The following GRID2 variants were observed in gnomAD, a reference collection of about 807,000 sequenced individuals.
GRID2 encodes glutamate ionotropic receptor delta type subunit 2, also known as glutamate receptor ionotropic, delta-2.
Under a neutral mutation model 114.8 loss-of-function variants are expected in GRID2, and 33 were observed. The observed-to-expected ratio is 0.29, with a 90% CI of 0.22 to 0.38. GRID2 has a LOEUF of 0.38. GRID2 is among the 10% of genes least tolerant of loss of function. The pLI, the probability that GRID2 is intolerant of heterozygous loss-of-function variation, is 1.00. For missense variants in GRID2, 1,184 were observed against 1,257.7 expected, an observed-to-expected ratio of 0.94 and a Z score of 0.89; for synonymous variants, 505 against 449.9, an observed-to-expected ratio of 1.12 and a Z score of -1.55.
At chr4:93,058,506 G>A (rs895126429) in intron 2 of GRID2, among the ~76,000 whole-genome samples, 1 of 151,864 alleles carries the variant, frequency 6.6e-6, no homozygotes, top group Admixed American at 6.6e-5. Flanking sequence ...CAATGAGTTT[G>A]CCAAAGAAAT....
intron 14 of GRID2, among the ~76,000 whole-genome samples, chr4:93,648,542 CAG>C (rs1419182301): frequency 6.6e-6 from 1 of 152,190 alleles, no homozygotes; most frequent in African/African-American, 2.4e-5. Flanking sequence ...AGAGAATAAA[CAG>C]CTGCTATAGA....
At chr4:92,879,436 T>C (rs1393355892) in intron 2 of GRID2, among the ~76,000 whole-genome samples, 1 of 152,220 alleles carries the variant, frequency 6.6e-6, no homozygotes, top group Non-Finnish European at 1.5e-5. Context: ...TTAGCCCTAA[T>C]AAGTGCTAAG....
intron 8 of GRID2, among the ~76,000 whole-genome samples, chr4:93,384,457 C>A (rs1421352304): frequency 2.0e-5 from 3 of 152,084 alleles, no homozygotes; most frequent in Non-Finnish European, 4.4e-5. Context: ...ACACTCAGCA[C>A]TTATTATTTA....
intron 14 of GRID2, among the ~76,000 whole-genome samples, chr4:93,665,913 G>A (rs189489796): frequency 6.6e-6 from 1 of 151,988 alleles, no homozygotes; most frequent in African/African-American, 2.4e-5. Context: ...TCAAGATTTG[G>A]TTCTAATATT....
chr4:93,299,293 A>G (rs1253302826), intron 8 of GRID2, among the ~76,000 whole-genome samples: 2 of 152,160 alleles, frequency 1.3e-5, no homozygotes, highest in Non-Finnish European at 2.9e-5. Context: ...TAAATGCAGT[A>G]GAAAGGCAAG....
At chr4:93,476,824 T>C (rs1725364917) in intron 11 of GRID2, among the ~76,000 whole-genome samples, 1 of 152,124 alleles carries the variant, frequency 6.6e-6, no homozygotes, top group Non-Finnish European at 1.5e-5. Context: ...TCTGAAGATA[T>C]AGTCTTATTT....
chr4:93,742,102 G>A (rs1045306194), intron 14 of GRID2, among the ~76,000 whole-genome samples: 4 of 152,032 alleles, frequency 2.6e-5, no homozygotes, highest in African/African-American at 7.2e-5. Flanking sequence ...TTACAGTTAT[G>A]ATTCACAATC....
intron 9 of GRID2, among the ~76,000 whole-genome samples, chr4:93,418,851 A>G (rs1370710809): frequency 6.6e-6 from 1 of 152,008 alleles, no homozygotes; most frequent in Non-Finnish European, 1.5e-5. Context: ...CCATCAGGGT[A>G]CCACCATAAA....
chr4:92,832,100 G>T (rs1180995526), intron 2 of GRID2, among the ~76,000 whole-genome samples: 1 of 151,612 alleles, frequency 6.6e-6, no homozygotes, highest in South Asian at 2.1e-4. Context: ...GGTATTAAGA[G>T]AATACAAATA....
chr4:92,800,376 T>C (rs1194496210), intron 2 of GRID2, among the ~76,000 whole-genome samples: 1 of 151,608 alleles, frequency 6.6e-6, no homozygotes, highest in African/African-American at 2.4e-5. Flanking sequence ...AGAGGTAGCC[T>C]TGGGATAAGA....
At chr4:92,578,781 T>A (rs553350568) in intron 1 of GRID2, among the ~76,000 whole-genome samples, 1 of 152,266 alleles carries the variant, frequency 6.6e-6, no homozygotes, top group Admixed American at 6.5e-5. Context: ...TTTGAATTCT[T>A]GTAATTACCA....
At chr4:93,528,508 A>G (rs945512261) in intron 13 of GRID2, among the ~76,000 whole-genome samples, 1 of 151,882 alleles carries the variant, frequency 6.6e-6, no homozygotes, top group African/African-American at 2.4e-5. Context: ...ATGTAAATCT[A>G]AATTCTATTT....
chr4:92,813,968 C>A (rs984483688), intron 2 of GRID2, among the ~76,000 whole-genome samples: 2 of 152,118 alleles, frequency 1.3e-5, no homozygotes, highest in South Asian at 2.1e-4. Context: ...GATTCCCTAA[C>A]AATGTAAGCA....
intron 9 of GRID2, among the ~76,000 whole-genome samples, chr4:93,407,722 TTCTCCTCCTCCTC>T: frequency 1.1e-5 from 1 of 90,288 alleles, no homozygotes; most frequent in Non-Finnish European, 2.0e-5. Context: ...CTCCTCCTCC[TTCTCCTCCTCCTC>T]CTCCTCCTCC....
At chr4:92,339,773 A>C (rs1476991838) in intron 1 of GRID2, among the ~76,000 whole-genome samples, 1 of 152,178 alleles carries the variant, frequency 6.6e-6, no homozygotes, top group African/African-American at 2.4e-5. Context: ...AGATAATTTT[A>C]ATAACGAAAT....
intron 2 of GRID2, among the ~76,000 whole-genome samples, chr4:93,039,467 TTA>T (rs1211434824): frequency 2.0e-5 from 3 of 151,936 alleles, no homozygotes; most frequent in African/African-American, 7.3e-5. Flanking sequence ...TAAAGTATAA[TTA>T]TATATATAGT....
chr4:93,104,812 G>C (rs1260804121), intron 3 of GRID2, among the ~76,000 whole-genome samples: 2 of 152,030 alleles, frequency 1.3e-5, no homozygotes, highest in Non-Finnish European at 2.9e-5. Flanking sequence ...CAGTCCTTTG[G>C]GTATATACCC....
At chr4:92,934,955 TACC>T (rs1233153462) in intron 2 of GRID2, among the ~76,000 whole-genome samples, 1 of 146,498 alleles carries the variant, frequency 6.8e-6, no homozygotes, top group Non-Finnish European at 1.5e-5. Flanking sequence ...ACCTAGGCAT[TACC>T]ATTCAGGACA....
At chr4:92,359,827 G>A (rs1728528270) in intron 1 of GRID2, among the ~76,000 whole-genome samples, 1 of 151,824 alleles carries the variant, frequency 6.6e-6, no homozygotes, top group Non-Finnish European at 1.5e-5. Flanking sequence ...TTTTTCCTAG[G>A]CAATTTCCCT....
Sources: allele counts gnomAD v4.1 joint callset (sites outside exome capture counted in the v4.1 genomes callset), GRCh38; gene constraint gnomAD v4.1.1; transcripts MANE v1.5; gene names NCBI Gene and HGNC (gene_info 2026-07-23, HGNC 2026-07-21).